The following KIAA1217 variants were observed in gnomAD, a reference collection of about 807,000 sequenced individuals.
The protein encoded by KIAA1217 is KIAA1217.
KIAA1217 carries 88 observed loss-of-function variants against 163.9 expected under a neutral mutation model. The ratio of observed to expected loss-of-function variants is 0.54; its 90% CI spans 0.45 to 0.64. The LOEUF (loss-of-function observed/expected upper bound fraction) is 0.64, where lower values mean the gene tolerates loss of function less well. Among genes scored for constraint, KIAA1217 ranks in the 30% least tolerant of loss-of-function variants. The probability of loss-of-function intolerance (pLI) is 0.00; values close to 1 mark genes in which losing one functional copy is unlikely to be tolerated. For synonymous variants in KIAA1217, 903 were observed against 923.1 expected (o/e 0.98, Z 0.39); for missense variants, 2,372 against 2,475.0 (o/e 0.96, Z 0.88).
At chr10:23,742,969 A>T (rs1588701895) in intron 1 of KIAA1217, among the ~76,000 whole-genome samples, 2 of 152,090 alleles carry the variant, frequency 1.3e-5, no homozygotes, top group South Asian at 4.2e-4. Context: ...GCTAGAGGAG[A>T]GCAGAATGTG....
chr10:23,822,047 CGGG>C (rs1315749763), intron 1 of KIAA1217, among the ~76,000 whole-genome samples: 6 of 152,134 alleles, frequency 3.9e-5, no homozygotes, highest in Non-Finnish European at 7.3e-5. Flanking sequence ...TAAGTAAGAG[CGGG>C]TGCAGGCACC....
chr10:23,876,544 C>G (rs76925091), intron 1 of KIAA1217, among the ~76,000 whole-genome samples: 2 of 151,384 alleles, frequency 1.3e-5, no homozygotes, highest in African/African-American at 4.9e-5. Flanking sequence ...TATATGGTAC[C>G]GTAGTGGATA....
At chr10:23,831,917 A>G (rs1564459290) in intron 1 of KIAA1217, among the ~76,000 whole-genome samples, 1 of 152,150 alleles carries the variant, frequency 6.6e-6, no homozygotes, top group Non-Finnish European at 1.5e-5. Context: ...AGATAGGAAA[A>G]AGCAAAGTGT....
At chr10:24,545,421 C>T (rs1003262622) in intron 20 of KIAA1217, 2 of 1,297,918 alleles carry the variant, frequency 1.5e-6, no homozygotes, top group Non-Finnish European at 9.8e-7. Context: ...CAGAGACAAA[C>T]CAACCTGTGG....
At chr10:24,227,824 G>A (rs11013983) in intron 2 of KIAA1217, among the ~76,000 whole-genome samples, 53,831 of 152,026 alleles carry the variant, frequency 0.35, 10,001 homozygotes, top group Non-Finnish European at 0.42. Context: ...GAGCCACTGC[G>A]CCCGGCCAAT....
chr10:23,876,894 C>T (rs1840723350), intron 1 of KIAA1217, among the ~76,000 whole-genome samples: 1 of 151,842 alleles, frequency 6.6e-6, no homozygotes, highest in South Asian at 2.1e-4. Context: ...ACGAAGAGTT[C>T]GGTTTAGGGT....
chr10:24,150,695 C>T (rs1427210149), intron 2 of KIAA1217, among the ~76,000 whole-genome samples: 1 of 152,138 alleles, frequency 6.6e-6, no homozygotes, highest in Non-Finnish European at 1.5e-5. Context: ...GACACATCAG[C>T]ATCAGGCATG....
chr10:24,109,998 TG>T (rs2062783958), intron 2 of KIAA1217, among the ~76,000 whole-genome samples: 1 of 152,178 alleles, frequency 6.6e-6, no homozygotes, highest in East Asian at 1.9e-4. Flanking sequence ...CCCAAGTAGT[TG>T]GGACTACAGG....
chr10:24,282,397 G>A (rs2078048337), intron 2 of KIAA1217, among the ~76,000 whole-genome samples: 1 of 152,122 alleles, frequency 6.6e-6, no homozygotes, highest in Non-Finnish European at 1.5e-5. Flanking sequence ...AGTGTGCTAT[G>A]TTCCCCCTCC....
intron 1 of KIAA1217, among the ~76,000 whole-genome samples, chr10:23,768,440 C>T (rs1834640296): frequency 1.3e-5 from 2 of 152,136 alleles, no homozygotes; most frequent in South Asian, 4.1e-4. Context: ...ATTATTGTGC[C>T]CCTGGCCCCT....
rs2130684058 is a variant in KIAA1217 at position 23,695,470 on chromosome 10, G to T, written c.-321+236G>T. ...GAGAAGACCCCCAACTGGGAGGAGGGACTGGAGAGGAACCGGACCCCGGGG... is the reference window on the plus strand; with the variant it reads ...GAGAAGACCCCCAACTGGGAGGAGGTACTGGAGAGGAACCGGACCCCGGGG... On this transcript the variant is annotated intron_variant, in intron 1 of 18. Coordinates refer to the KIAA1217 transcript ENST00000376462. The surrounding 1 kb of genome is among the most constrained non-coding windows in gnomAD (Gnocchi z 4.9). Among the ~76,000 whole-genome samples, 2 of 152,304 alleles carry T rather than the reference G, an allele frequency of 1.3e-5. No individual in the cohort carries two copies. Among genetic ancestry groups the T allele is most frequent in the South Asian group, 4.1e-4 (2 of 4,824 alleles).
chr10:23,749,412 G>A (rs1459523215), intron 1 of KIAA1217, among the ~76,000 whole-genome samples: 2 of 151,776 alleles, frequency 1.3e-5, no homozygotes, highest in Non-Finnish European at 2.9e-5. Flanking sequence ...TTAATGTTTA[G>A]TCTTTTGCTT....
intron 1 of KIAA1217, among the ~76,000 whole-genome samples, chr10:23,697,079 C>G (rs1260992418): frequency 6.6e-6 from 1 of 152,144 alleles, no homozygotes; most frequent in African/African-American, 2.4e-5. Context: ...ATTACCAGCA[C>G]CCATCTCCGT....
chr10:23,973,520 T>C (rs1268660952), intron 1 of KIAA1217, among the ~76,000 whole-genome samples: 1 of 152,234 alleles, frequency 6.6e-6, no homozygotes, highest in Non-Finnish European at 1.5e-5. Flanking sequence ...CAACCTCCCA[T>C]AGGGATTGTG....
At chr10:24,380,538 A>C (rs1264859459) in intron 2 of KIAA1217, among the ~76,000 whole-genome samples, 1 of 152,092 alleles carries the variant, frequency 6.6e-6, no homozygotes, top group Non-Finnish European at 1.5e-5. Flanking sequence ...GTTATTCAGG[A>C]GGCTGAGGCA....
At chr10:23,986,584 T>A (rs911206912) in intron 1 of KIAA1217, among the ~76,000 whole-genome samples, 1 of 152,156 alleles carries the variant, frequency 6.6e-6, no homozygotes, top group Non-Finnish European at 1.5e-5. Context: ...TTTTTTGTTG[T>A]TTTTTTATGA....
chr10:24,219,712 C>T lies in KIAA1217; in HGVS notation c.157C>T (p.Arg53Cys). Residue 53 changes from arginine (R) to cysteine (C), a missense_variant, in exon 2 of 21, where the codon CGT becomes TGT. By Grantham distance (180) the Arg-to-Cys change is radical. Transcript: ENST00000376454. ...GGAACGCCTTTCTAATGGAAACAGT[C>T]GTGGTTCAGTTTCCAAGTCTTCCCG... ...TKERLSNGNSRGSVSKSSRNI... is the reference protein window; with the variant it reads ...TKERLSNGNSCGSVSKSSRNI... 2.5e-6 allele frequency: 4 copies of T among 1,613,918 alleles called. No homozygotes were observed. The highest frequency in any genetic ancestry group is 3.4e-6 in the Non-Finnish European group (4 of 1,179,894).
intron 3 of KIAA1217, among the ~76,000 whole-genome samples, chr10:24,386,539 C>A (rs747828763): frequency 5.9e-5 from 9 of 151,312 alleles, no homozygotes; most frequent in Non-Finnish European, 1.0e-4. Context: ...ACAGTTATTT[C>A]TTGAATATTC....
At chr10:23,911,500 G>A (rs1473274750) in intron 1 of KIAA1217, among the ~76,000 whole-genome samples, 3 of 152,158 alleles carry the variant, frequency 2.0e-5, no homozygotes. Context: ...TGTTTTTTAT[G>A]TATGTGTGTG....
Sources: gnomAD v4.1 joint callset for allele counts (sites outside exome capture counted in the v4.1 genomes callset) on GRCh38, gnomAD v4.1.1 for gene constraint, Gnocchi (gnomAD v3.1) non-coding constraint, MANE v1.5 for transcripts, NCBI Gene and HGNC (gene_info 2026-07-23, HGNC 2026-07-21) for gene names.